Variants in RPSA2 observed in about 807,000 individuals in gnomAD.
RPSA2 encodes the protein small ribosomal subunit protein uS2B.
chr19:23,789,969 C>T, the RPSA2 span, among the ~76,000 whole-genome samples: 25 of 151,966 alleles, frequency 1.6e-4, no homozygotes, highest in Admixed American at 9.8e-4. Flanking sequence ...TGAGCCACTG[C>T]GCCTGCCCCC....
the RPSA2 span, among the ~76,000 whole-genome samples, chr19:23,767,959 G>T: frequency 6.6e-6 from 1 of 151,814 alleles, no homozygotes. Flanking sequence ...TAGAGACGGG[G>T]TTTCACTGTG....
the RPSA2 span, chr19:23,807,765 C>G: frequency 3.1e-6 from 1 of 319,268 alleles, no homozygotes; most frequent in African/African-American, 2.3e-5. Context: ...TGCCTTGAGT[C>G]AAATGGAAAA....
the RPSA2 span, among the ~76,000 whole-genome samples, chr19:23,812,136 A>G: frequency 1.3e-5 from 2 of 152,058 alleles, no homozygotes; most frequent in Non-Finnish European, 2.9e-5. Flanking sequence ...TTGTAGTTCT[A>G]TATTGTGGTT....
At chr19:23,794,185 A>G in the RPSA2 span, among the ~76,000 whole-genome samples, 1 of 152,228 alleles carries the variant, frequency 6.6e-6, no homozygotes, top group Admixed American at 6.5e-5. Flanking sequence ...TCTTTATGAT[A>G]GAATAATTTG....
chr19:23,801,950 A>C, the RPSA2 span, among the ~76,000 whole-genome samples: 1 of 152,226 alleles, frequency 6.6e-6, no homozygotes, highest in African/African-American at 2.4e-5. Context: ...TTCTCCTTTG[A>C]TTGTACTCGC....
At chr19:23,819,507 T>C in the RPSA2 span, 1 of 152,146 alleles carries the variant, frequency 6.6e-6, no homozygotes, top group Admixed American at 6.5e-5. Flanking sequence ...GGTCCCAGTG[T>C]TGTTGGATTC....
chr19:23,758,855 G>A, the RPSA2 span: 3 of 1,508,500 alleles, frequency 2.0e-6, no homozygotes, highest in South Asian at 1.2e-5. Flanking sequence ...ACAGAGCAGT[G>A]AAGACGAGAC....
the RPSA2 span, among the ~76,000 whole-genome samples, chr19:23,806,025 A>ATCTATCTC: frequency 7.0e-6 from 1 of 142,212 alleles, no homozygotes; most frequent in African/African-American, 2.6e-5. Context: ...CTATCTATCT[A>ATCTATCTC]TCTATCTATC....
At chr19:23,858,081 G>A in the RPSA2 span, among the ~76,000 whole-genome samples, 412 of 147,544 alleles carry the variant, frequency 2.8e-3, 4 homozygotes, top group African/African-American at 9.3e-3. Context: ...GAAAGACTCT[G>A]TATAAGTTTC....
chr19:23,779,625 G>T, the RPSA2 span, among the ~76,000 whole-genome samples: 1 of 152,182 alleles, frequency 6.6e-6, no homozygotes, highest in Admixed American at 6.5e-5. Flanking sequence ...TAGGTGATGC[G>T]ACTCTTCTGT....
chr19:23,805,597 T>C, the RPSA2 span, among the ~76,000 whole-genome samples: 1 of 152,170 alleles, frequency 6.6e-6, no homozygotes, highest in African/African-American at 2.4e-5. Flanking sequence ...TTTTAAGGCA[T>C]ATTCTCAAGA....
the RPSA2 span, among the ~76,000 whole-genome samples, chr19:23,870,929 G>T: frequency 1.3e-5 from 2 of 152,192 alleles, no homozygotes; most frequent in Non-Finnish European, 2.9e-5. Context: ...ACACTGGAAG[G>T]TATGCTAAGG....
At chr19:23,761,905 T>TCCCTCCCTCCCTCCC in the RPSA2 span, among the ~76,000 whole-genome samples, 1 of 38,208 alleles carries the variant, frequency 2.6e-5, no homozygotes, top group South Asian at 6.6e-4. Flanking sequence ...AACGTAATTC[T>TCCCTCCCTCCCTCCC]TTCTTTCTTT....
At chr19:23,779,417 T>C in the RPSA2 span, among the ~76,000 whole-genome samples, 7 of 151,956 alleles carry the variant, frequency 4.6e-5, no homozygotes, top group Non-Finnish European at 7.4e-5. Context: ...AGATACTGTC[T>C]TCTCCTGCCT....
chr19:23,863,632 G>A, the RPSA2 span, among the ~76,000 whole-genome samples: 1 of 150,832 alleles, frequency 6.6e-6, no homozygotes. Context: ...CATAGTTTCT[G>A]GTGTATAGGA....
chr19:23,787,124 G>T, the RPSA2 span, among the ~76,000 whole-genome samples: 15,134 of 152,148 alleles, frequency 0.099, 961 homozygotes, highest in Non-Finnish European at 0.14. Flanking sequence ...CCTAGCTTAT[G>T]TGACTCTTCT....
At chr19:23,791,270 G>A in the RPSA2 span, among the ~76,000 whole-genome samples, 1 of 152,100 alleles carries the variant, frequency 6.6e-6, no homozygotes, top group Non-Finnish European at 1.5e-5. Context: ...TAAGTGCTGG[G>A]ATTACAGGCA....
At chr19:23,846,107 T>A in the RPSA2 span, among the ~76,000 whole-genome samples, 1 of 152,188 alleles carries the variant, frequency 6.6e-6, no homozygotes, top group Non-Finnish European at 1.5e-5. Context: ...TATTTCTTTT[T>A]AAAGTCTGTT....
At chr19:23,807,834 G>T in the RPSA2 span, 2 of 421,522 alleles carry the variant, frequency 4.7e-6, no homozygotes, top group East Asian at 7.6e-5. Flanking sequence ...AGGGACTCTT[G>T]ACGTTTAGGT....
Sources: gnomAD v4.1 joint callset for allele counts (sites outside exome capture counted in the v4.1 genomes callset) on GRCh38, gnomAD v4.1.1 for gene constraint, MANE v1.5 for transcripts, NCBI Gene and HGNC (gene_info 2026-07-23, HGNC 2026-07-21) for gene names.